SYT16: variants seen among roughly 807,000 people sequenced by gnomAD.
SYT16 encodes the protein synaptotagmin 16.
A neutral mutation model predicts 61.4 loss-of-function variants in SYT16; 42 were observed. The ratio of observed to expected loss-of-function variants is 0.68; its 90% confidence interval spans 0.53 to 0.89. The LOEUF (loss-of-function observed/expected upper bound fraction) is 0.89, where lower values mean the gene tolerates loss of function less well. SYT16 is among the 40% of genes least tolerant of loss of function. The pLI is 0.00. For synonymous variants in SYT16, 314 were observed against 302.3 expected, an observed-to-expected ratio of 1.04 and a Z score of -0.40; for missense variants, 804 against 807.3, an observed-to-expected ratio of 1.00 and a Z score of 0.05.
chr14:61,907,548 A>G lies in SYT16; in HGVS notation c.-324-62584A>G, dbSNP rs574423377. On this transcript the variant is annotated intron_variant, in intron 1 of 7. Transcript: ENST00000683842. Reference sequence around the variant, plus strand: ...CATCAGAGGATCCACTTGCAAGCAGACTCACACACATGGCTGTTGGCTGGA... The same window carrying G: ...CATCAGAGGATCCACTTGCAAGCAGGCTCACACACATGGCTGTTGGCTGGA... Among the ~76,000 whole-genome samples the G allele has an allele frequency of 2.6e-5, 4 of 152,232 alleles. No homozygotes were observed. The East Asian group carries it at 7.7e-4, about 29-fold the overall frequency.
At chr14:62,054,898 T>C (rs951295540) in intron 3 of SYT16, among the ~76,000 whole-genome samples, 2 of 151,964 alleles carry the variant, frequency 1.3e-5, no homozygotes, top group East Asian at 3.9e-4. Context: ...AGCTAGAAAC[T>C]CACAACACCT....
chr14:62,044,784 T>C (rs1292706646), intron 3 of SYT16, among the ~76,000 whole-genome samples: 2 of 152,120 alleles, frequency 1.3e-5, no homozygotes, highest in African/African-American at 2.4e-5. Flanking sequence ...GATAAGCATA[T>C]GTGGGGGTTA....
chr14:62,057,033 C>A (rs1345736631), intron 3 of SYT16, among the ~76,000 whole-genome samples: 1 of 152,164 alleles, frequency 6.6e-6, no homozygotes, highest in Non-Finnish European at 1.5e-5. Flanking sequence ...GAGGAGGACA[C>A]TGCGGTCGCA....
rs114545705 is a variant in SYT16, at chr14:61,832,405, G to A, written c.-325+19595G>A. The A allele has an allele frequency of 3.3e-4, 167 of 510,914 alleles. 1 individual carries two copies. Among genetic ancestry groups the A allele is most frequent in the African/African-American group, 3.2e-3 (162 of 51,302 alleles). The allele number at this position is 510,914 out of a possible 1,614,324, so 31.6% of individuals were successfully genotyped here. A position where few individuals can be genotyped will look rare whatever the true frequency, so the allele number is the denominator to read the frequency against. On this transcript the variant is annotated intron_variant, in intron 1 of 7. Coordinates refer to ENST00000683842, the MANE Select transcript of SYT16 (RefSeq NM_001367656.1). ...CTGCCCCACCACCGCCGCCCTCTAT[G>A]CCCGGTGTCCCGCGACCCCAGTAGT...
At chr14:61,881,626 A>G (rs1444753843) in intron 1 of SYT16, among the ~76,000 whole-genome samples, 1 of 152,186 alleles carries the variant, frequency 6.6e-6, no homozygotes, top group East Asian at 1.9e-4. Flanking sequence ...AAGTTCCACA[A>G]TGGCTATGGT....
At chr14:62,078,155 C>CTCTCTCTCTA (rs766089633) in intron 5 of SYT16, among the ~76,000 whole-genome samples, 14 of 135,936 alleles carry the variant, frequency 1.0e-4, no homozygotes, top group African/African-American at 1.7e-4. Flanking sequence ...CTCTCTCTCT[C>CTCTCTCTCTA]TATATATATA....
intron 3 of SYT16, among the ~76,000 whole-genome samples, chr14:62,030,833 A>G (rs868393643): frequency 8.5e-5 from 13 of 152,336 alleles, no homozygotes; most frequent in African/African-American, 3.1e-4. Flanking sequence ...AAAGGAAATC[A>G]AAGCCATAAT....
At chr14:62,085,586 G>GA (rs2056858053) in intron 7 of SYT16, among the ~76,000 whole-genome samples, 1 of 152,200 alleles carries the variant, frequency 6.6e-6, no homozygotes, top group African/African-American at 2.4e-5. Context: ...TCCTACAACT[G>GA]AATCTGGGCT....
At chr14:61,844,937 T>G (rs931952437) in intron 1 of SYT16, among the ~76,000 whole-genome samples, 4 of 152,022 alleles carry the variant, frequency 2.6e-5, no homozygotes, top group Non-Finnish European at 5.9e-5. Flanking sequence ...TTTTTTGGAA[T>G]AGTTTGAGAG....
At chr14:62,056,305 G>A (rs918277519) in intron 3 of SYT16, among the ~76,000 whole-genome samples, 1 of 152,112 alleles carries the variant, frequency 6.6e-6, no homozygotes, top group African/African-American at 2.4e-5. Context: ...AGGGCGATTT[G>A]GTACCACCCC....
intron 2 of SYT16, among the ~76,000 whole-genome samples, chr14:61,972,170 A>C (rs1433246012): frequency 6.6e-6 from 1 of 152,246 alleles, no homozygotes; most frequent in Non-Finnish European, 1.5e-5. Flanking sequence ...CAACAGCAAT[A>C]GCAAGTCACA....
intron 1 of SYT16, among the ~76,000 whole-genome samples, chr14:61,846,876 C>T (rs891253639): frequency 2.0e-5 from 3 of 152,014 alleles, no homozygotes; most frequent in Admixed American, 6.6e-5. Context: ...TATCTTATAA[C>T]CCATTATTTT....
chr14:61,853,345 G>A (rs550096053), intron 1 of SYT16, among the ~76,000 whole-genome samples: 71 of 152,280 alleles, frequency 4.7e-4, no homozygotes, highest in African/African-American at 1.6e-3. Context: ...TATATTCAGG[G>A]TCAGTTTTTA....
Position 62,084,213 on chromosome 14 carries a change from C to T in SYT16, c.1452C>T (p.Leu484=). The T allele has an allele frequency of 6.2e-7, 1 of 1,613,776 alleles. No homozygotes were observed. The highest frequency in any genetic ancestry group is 8.5e-7 in the Non-Finnish European group (1 of 1,179,816). The change falls in exon 7 of 8, where the codon CTC becomes CTT. Residue 484 remains leucine, a synonymous_variant. Coordinates refer to ENST00000683842, the MANE Select transcript of SYT16 (RefSeq NM_001367656.1). The part of the protein sequence containing the change: ...RSNISSGGSP[L]SPSAVSHSDS... Reference sequence around the variant, plus strand: ...CCCTCCAGAGTGGAGGGTCTCCGCTCAGCCCATCTGCGGTTTCTCACAGTG... The same window carrying T: ...CCCTCCAGAGTGGAGGGTCTCCGCTTAGCCCATCTGCGGTTTCTCACAGTG...
intron 1 of SYT16, among the ~76,000 whole-genome samples, chr14:61,913,704 T>TTGTGTGTGTGTGTGTGTG (rs56758661): frequency 0.022 from 3,209 of 145,838 alleles, 57 homozygotes; most frequent in Middle Eastern, 0.041. Context: ...CTTTGGGTCT[T>TTGTGTGTGTGTGTGTGTG]TGTGTGTGTG....
Position 62,090,730 on chromosome 14 carries a change from G to C in SYT16, c.1624+6345G>C, listed in dbSNP as rs529535977. On this transcript the variant is annotated intron_variant, in intron 7 of 7. Coordinates refer to ENST00000683842, the MANE Select transcript of SYT16 (RefSeq NM_001367656.1). ...ATAGAAAAGAAAAGATAGTTACTAT[G>C]GTGTATTAGTCTGTTTTTATGCTGC... 2.7e-4 allele frequency among the ~76,000 whole-genome samples: 41 copies of C among 152,246 alleles called. 1 individual carries two copies. The East Asian group carries it at 7.9e-3, about 29-fold the overall frequency.
chr14:61,870,865 A>G lies in SYT16; in HGVS notation c.-325+58055A>G, dbSNP rs548116909. 3.3e-5 allele frequency among the ~76,000 whole-genome samples: 5 copies of G among 152,192 alleles called. No individual in the cohort carries two copies. The East Asian group carries it at 7.7e-4, about 24-fold the overall frequency. Reference sequence around the variant, plus strand: ...TACATTTATAATAGCCGTTTTAACTACCTTGCCTAATAATTCTATAATCTC... The same window carrying G: ...TACATTTATAATAGCCGTTTTAACTGCCTTGCCTAATAATTCTATAATCTC... On this transcript the variant is annotated intron_variant, in intron 1 of 7. Coordinates refer to ENST00000683842, the MANE Select transcript of SYT16 (RefSeq NM_001367656.1).
chr14:61,850,340 G>C (rs887589630), intron 1 of SYT16, among the ~76,000 whole-genome samples: 1 of 151,846 alleles, frequency 6.6e-6, no homozygotes, highest in Non-Finnish European at 1.5e-5. Flanking sequence ...TCACCATGTT[G>C]GCCAGGCTGG....
chr14:61,835,308 G>T (rs2046091539), intron 1 of SYT16, among the ~76,000 whole-genome samples: 1 of 133,572 alleles, frequency 7.5e-6, no homozygotes, highest in South Asian at 2.5e-4. Flanking sequence ...CCCGGGGAAA[G>T]AGTGCAGTGG....
Sources: gnomAD v4.1 joint callset for allele counts (sites outside exome capture counted in the v4.1 genomes callset) on GRCh38, gnomAD v4.1.1 for gene constraint, MANE v1.5 for transcripts, NCBI Gene and HGNC (gene_info 2026-07-23, HGNC 2026-07-21) for gene names.